The following DCC variants were observed in gnomAD, a reference collection of about 807,000 sequenced individuals.
DCC encodes DCC netrin 1 receptor.
In DCC, 58 loss-of-function variants were observed where a neutral mutation model predicts 172.5. The ratio of observed to expected loss-of-function variants is 0.34; its 90% confidence interval spans 0.27 to 0.42. DCC has a LOEUF of 0.42. DCC is among the 10% of genes least tolerant of loss of function. The probability of loss-of-function intolerance (pLI) is 1.00; values close to 1 mark genes in which losing one functional copy is unlikely to be tolerated. For synonymous variants in DCC, 709 were observed against 644.5 expected (o/e 1.10, Z -1.52); for missense variants, 1,740 against 1,791.0 (o/e 0.97, Z 0.51).
At chr18:52,520,108 A>G (rs2031765604) in intron 1 of DCC, among the ~76,000 whole-genome samples, 1 of 152,188 alleles carries the variant, frequency 6.6e-6, no homozygotes, top group South Asian at 2.1e-4. Context: ...CAGTCATCCA[A>G]GGGTCTCTTC....
chr18:52,365,042 A>C (rs1488212136), intron 1 of DCC, among the ~76,000 whole-genome samples: 1 of 152,050 alleles, frequency 6.6e-6, no homozygotes, highest in South Asian at 2.1e-4. Context: ...ACAAAAAAAA[A>C]TAGAAGGATG....
chr18:52,993,423 T>C (rs77366429), intron 5 of DCC, among the ~76,000 whole-genome samples: 10,991 of 152,210 alleles, frequency 0.072, 499 homozygotes, highest in East Asian at 0.22. Context: ...TAAAACACAA[T>C]GAAAATATTC....
intron 22 of DCC, among the ~76,000 whole-genome samples, chr18:53,445,978 T>C (rs565973942): frequency 1.3e-5 from 2 of 151,266 alleles, no homozygotes; most frequent in South Asian, 4.2e-4. Flanking sequence ...ATATAATACA[T>C]TGGGTGGACC....
intron 7 of DCC, among the ~76,000 whole-genome samples, chr18:53,148,012 A>G (rs1034866689): frequency 6.6e-6 from 1 of 152,192 alleles, no homozygotes; most frequent in Non-Finnish European, 1.5e-5. Context: ...ATGTATCTTT[A>G]CTTGAGTTTC....
At chr18:52,384,383 C>T (rs943644077) in intron 1 of DCC, among the ~76,000 whole-genome samples, 13 of 152,132 alleles carry the variant, frequency 8.5e-5, no homozygotes, top group African/African-American at 2.9e-4. Flanking sequence ...TAATTTAAAT[C>T]TGCAGCAACA....
chr18:52,942,433 G>A (rs1337018213), intron 5 of DCC, among the ~76,000 whole-genome samples: 1 of 151,998 alleles, frequency 6.6e-6, no homozygotes, highest in East Asian at 1.9e-4. Context: ...TCTTTTAATA[G>A]CATGTGGGTG....
At chr18:53,182,711 T>C (rs2055215108) in intron 9 of DCC, among the ~76,000 whole-genome samples, 1 of 152,190 alleles carries the variant, frequency 6.6e-6, no homozygotes. Flanking sequence ...GAGCACTTAC[T>C]TCATCTTCTC....
At chr18:52,512,393 A>G (rs2031475830) in intron 1 of DCC, among the ~76,000 whole-genome samples, 1 of 152,130 alleles carries the variant, frequency 6.6e-6, no homozygotes, top group African/African-American at 2.4e-5. Flanking sequence ...ATCTTATTAG[A>G]AGGGTAAGAT....
chr18:52,478,959 A>G (rs1317996727), intron 1 of DCC, among the ~76,000 whole-genome samples: 1 of 152,180 alleles, frequency 6.6e-6, no homozygotes. Flanking sequence ...TACCATGTCA[A>G]TTGAAAAATG....
chr18:53,300,158 A>G (rs2057115605), intron 12 of DCC, among the ~76,000 whole-genome samples: 6 of 152,190 alleles, frequency 3.9e-5, no homozygotes, highest in Admixed American at 3.9e-4. Flanking sequence ...TTTATTATAT[A>G]AGTACAGTTG....
At chr18:52,394,876 C>T (rs75678269) in intron 1 of DCC, among the ~76,000 whole-genome samples, 2,213 of 152,108 alleles carry the variant, frequency 0.015, 49 homozygotes, top group African/African-American at 0.05. Context: ...GAAGGTTTAT[C>T]TGAAAAATAG....
intron 5 of DCC, among the ~76,000 whole-genome samples, chr18:53,018,317 C>T (rs1032801767): frequency 4.6e-5 from 7 of 152,272 alleles, no homozygotes; most frequent in Middle Eastern, 3.4e-3. Context: ...AAGCTGTCAG[C>T]TGCGTTGGTT....
chr18:53,088,883 T>C (rs1308975593), intron 7 of DCC, among the ~76,000 whole-genome samples: 1 of 152,192 alleles, frequency 6.6e-6, no homozygotes, highest in Admixed American at 6.5e-5. Flanking sequence ...TTAAAAAAGA[T>C]TAGCCAGAAA....
chr18:52,959,358 G>A (rs915137942), intron 5 of DCC, among the ~76,000 whole-genome samples: 1 of 152,080 alleles, frequency 6.6e-6, no homozygotes, highest in African/African-American at 2.4e-5. Context: ...TATAAGTGAT[G>A]GAAGACTACT....
chr18:53,181,817 A>G (rs72921500), intron 9 of DCC, among the ~76,000 whole-genome samples: 6 of 152,292 alleles, frequency 3.9e-5, no homozygotes, highest in Admixed American at 6.5e-5. Context: ...CGAGTAGGGG[A>G]ACTTATAAGA....
chr18:53,099,955 TTTTTTG>T (rs1568304511), intron 7 of DCC, among the ~76,000 whole-genome samples: 1,677 of 132,754 alleles, frequency 0.013, 129 homozygotes, highest in African/African-American at 0.049. Context: ...TTTTTTTTTT[TTTTTTG>T]TTTGAGACAG....
intron 1 of DCC, among the ~76,000 whole-genome samples, chr18:52,530,741 T>A (rs1354918509): frequency 1.3e-5 from 2 of 152,194 alleles, no homozygotes; most frequent in Admixed American, 6.5e-5. Flanking sequence ...TCCAAAAACA[T>A]ATTCAGAACA....
intron 2 of DCC, among the ~76,000 whole-genome samples, chr18:52,768,407 G>A (rs1447319399): frequency 6.6e-6 from 1 of 152,152 alleles, no homozygotes; most frequent in East Asian, 1.9e-4. Context: ...TACAGATGTG[G>A]TCAACACAGG....
intron 1 of DCC, among the ~76,000 whole-genome samples, chr18:52,637,893 A>C (rs2034813306): frequency 6.6e-6 from 1 of 152,204 alleles, no homozygotes; most frequent in Non-Finnish European, 1.5e-5. Flanking sequence ...AGATGAAGGA[A>C]AGAATCTTAA....
Sources: gnomAD v4.1 joint callset for allele counts (sites outside exome capture counted in the v4.1 genomes callset) on GRCh38, gnomAD v4.1.1 for gene constraint, MANE v1.5 for transcripts, NCBI Gene and HGNC (gene_info 2026-07-23, HGNC 2026-07-21) for gene names.